DPP10: variants seen among roughly 807,000 people sequenced by gnomAD.
DPP10 encodes inactive dipeptidyl peptidase 10.
DPP10 carries 33 observed loss-of-function variants against 120.9 expected under a neutral mutation model. The observed-to-expected ratio is 0.27, with a 90% confidence interval of 0.21 to 0.37. DPP10 has a LOEUF of 0.37. DPP10 is among the 10% of genes least tolerant of loss of function. DPP10 has a pLI of 1.00. For missense variants in DPP10, 816 were observed against 942.8 expected (o/e 0.87, Z 1.76); for synonymous variants, 337 against 326.1 (o/e 1.03, Z -0.36).
intron 1 of DPP10, among the ~76,000 whole-genome samples, chr2:114,569,786 A>G (rs1006410019): frequency 2.0e-5 from 3 of 152,230 alleles, no homozygotes; most frequent in African/African-American, 4.8e-5. Context: ...GCAAAAGAGT[A>G]AGATAATTTA....
chr2:114,958,620 C>T (rs1698384902), intron 1 of DPP10, among the ~76,000 whole-genome samples: 1 of 152,094 alleles, frequency 6.6e-6, no homozygotes, highest in Non-Finnish European at 1.5e-5. Flanking sequence ...CATATATTGA[C>T]ACATCATATT....
chr2:115,445,480 A>G (rs2072492857), intron 3 of DPP10, among the ~76,000 whole-genome samples: 1 of 152,130 alleles, frequency 6.6e-6, no homozygotes, highest in Admixed American at 6.6e-5. Context: ...GGCTGAGGTG[A>G]TCTTAGATGA....
At position 115,108,371 on chromosome 2, in the gene DPP10, C is replaced by T. The variant is rs56057555; in HGVS notation, c.61-200868C>T. Among the ~76,000 whole-genome samples the T allele has an allele frequency of 4.6e-3, 694 of 152,240 alleles. 2 individuals carry two copies. The highest frequency in any genetic ancestry group is 7.5e-3 in the Non-Finnish European group (507 of 68,012). On this transcript the variant is annotated intron_variant, in intron 1 of 25. Transcript: ENST00000410059. Reference sequence around the variant, plus strand: ...GGTGAATTTGAAAGCCTACGCCCCACGCAAAAAGAGAGCACATTATCTACA... The same window carrying T: ...GGTGAATTTGAAAGCCTACGCCCCATGCAAAAAGAGAGCACATTATCTACA...
intron 19 of DPP10, among the ~76,000 whole-genome samples, chr2:115,808,244 A>G (rs1281898351): frequency 6.6e-6 from 1 of 152,230 alleles, no homozygotes; most frequent in Admixed American, 6.5e-5. Flanking sequence ...AAAGACTACT[A>G]GAATAATAAA....
chr2:115,637,454 T>C (rs1044396969), intron 5 of DPP10, among the ~76,000 whole-genome samples: 2 of 151,672 alleles, frequency 1.3e-5, no homozygotes, highest in African/African-American at 4.8e-5. Flanking sequence ...AATAAGAAAA[T>C]AGGAGGCACA....
intron 11 of DPP10, among the ~76,000 whole-genome samples, chr2:115,755,765 G>A (rs1049609876): frequency 6.6e-6 from 1 of 151,860 alleles, no homozygotes; most frequent in Non-Finnish European, 1.5e-5. Flanking sequence ...CCGAAACAAA[G>A]GAAATTAGTA....
intron 3 of DPP10, among the ~76,000 whole-genome samples, chr2:115,408,194 C>T (rs1471395623): frequency 1.3e-5 from 2 of 152,068 alleles, no homozygotes; most frequent in Non-Finnish European, 2.9e-5. Flanking sequence ...TGCCCCATCT[C>T]CCCTGCTGTC....
chr2:114,801,553 G>A (rs1474386616), intron 1 of DPP10, among the ~76,000 whole-genome samples: 5 of 152,096 alleles, frequency 3.3e-5, no homozygotes, highest in African/African-American at 1.2e-4. Flanking sequence ...GAAGTAGGAA[G>A]GATAACGTCT....
intron 1 of DPP10, among the ~76,000 whole-genome samples, chr2:114,493,558 G>A (rs1388065149): frequency 2.0e-5 from 3 of 152,020 alleles, no homozygotes; most frequent in Non-Finnish European, 4.4e-5. Flanking sequence ...TCTCATGTAG[G>A]ACGTGGTGAG....
intron 1 of DPP10, among the ~76,000 whole-genome samples, chr2:114,770,444 T>G (rs760774959): frequency 3.9e-5 from 6 of 152,124 alleles, no homozygotes; most frequent in Admixed American, 1.3e-4. Context: ...TTCAACTAGA[T>G]GGAAACATGA....
chr2:114,666,945 T>C (rs1307307377), intron 1 of DPP10, among the ~76,000 whole-genome samples: 1 of 152,052 alleles, frequency 6.6e-6, no homozygotes, highest in East Asian at 1.9e-4. Context: ...AAGCATTCTC[T>C]TGTCTAGGAG....
chr2:114,914,652 C>T (rs1390377598), intron 1 of DPP10, among the ~76,000 whole-genome samples: 4 of 152,156 alleles, frequency 2.6e-5, no homozygotes, highest in African/African-American at 9.7e-5. Context: ...AAAGTCTACA[C>T]AACAACCAGC....
intron 2 of DPP10, among the ~76,000 whole-genome samples, chr2:115,325,556 C>G (rs1234397478): frequency 6.6e-6 from 1 of 151,460 alleles, no homozygotes; most frequent in Non-Finnish European, 1.5e-5. Context: ...TATTGAGGAC[C>G]CAAAAATGCT....
rs557473556 is a variant in DPP10, at chr2:115,069,151, C to T, written c.61-240088C>T. 3.9e-5 allele frequency among the ~76,000 whole-genome samples: 6 copies of T among 152,106 alleles called. 1 individual carries two copies. In the South Asian group the frequency reaches 1.0e-3, roughly 26 times the overall value. On this transcript the variant is annotated intron_variant, in intron 1 of 25. Transcript: ENST00000410059. ...TTCTGTATTTGTTTTGAATTTTTAA[C>T]AATATAGATTCTTCCAATATATAAA...
Position 115,745,097 on chromosome 2 carries a change from T to C in DPP10, c.853-989T>C, listed in dbSNP as rs534991130. Among the ~76,000 whole-genome samples, 226 of 150,602 alleles carry C rather than the reference T, an allele frequency of 1.5e-3. 4 individuals are homozygous for C. Among genetic ancestry groups the C allele is most frequent in the African/African-American group, 5.3e-3 (218 of 41,518 alleles). On this transcript the variant is annotated intron_variant, in intron 9 of 25. Coordinates refer to ENST00000410059, the MANE Select transcript of DPP10 (RefSeq NM_020868.6). ...TGAAATATGTCATGAAAGTTCTCATTCCTGCCCCTTACTCACAGTGTATTT... is the reference window on the plus strand; with the variant it reads ...TGAAATATGTCATGAAAGTTCTCATCCCTGCCCCTTACTCACAGTGTATTT...
chr2:114,576,260 G>T (rs1328988045), intron 1 of DPP10, among the ~76,000 whole-genome samples: 2 of 152,158 alleles, frequency 1.3e-5, no homozygotes, highest in Non-Finnish European at 2.9e-5. Context: ...AACATCCAGG[G>T]ACCAGTAATA....
At chr2:114,806,121 A>T (rs1684699451) in intron 1 of DPP10, among the ~76,000 whole-genome samples, 1 of 152,248 alleles carries the variant, frequency 6.6e-6, no homozygotes, top group African/African-American at 2.4e-5. Flanking sequence ...GAATTAATTG[A>T]TGCAAACAGA....
At chr2:115,483,437 GTCTA>G (rs1239559179) in intron 3 of DPP10, among the ~76,000 whole-genome samples, 207 of 145,774 alleles carry the variant, frequency 1.4e-3, no homozygotes, top group African/African-American at 5.0e-3. Context: ...CTATCTGTCT[GTCTA>G]TCTATCTATC....
chr2:115,462,226 C>G (rs2074030664), intron 3 of DPP10, among the ~76,000 whole-genome samples: 1 of 152,150 alleles, frequency 6.6e-6, no homozygotes, highest in Admixed American at 6.6e-5. Flanking sequence ...TTTCCTGGTC[C>G]TTTCCCTATG....
Sources: allele counts gnomAD v4.1 joint callset (sites outside exome capture counted in the v4.1 genomes callset), GRCh38; gene constraint gnomAD v4.1.1; transcripts MANE v1.5; gene names NCBI Gene and HGNC (gene_info 2026-07-23, HGNC 2026-07-21).